Variants in TRIOBP observed in about 807,000 individuals in gnomAD.
TRIOBP encodes the protein TRIO and F-actin binding protein.
In TRIOBP, 169 loss-of-function variants were observed where a neutral mutation model predicts 238.8. The ratio of observed to expected loss-of-function variants is 0.71; its 90% CI spans 0.62 to 0.80. TRIOBP has a LOEUF of 0.80. Among genes scored for constraint, TRIOBP ranks in the 30% least tolerant of loss-of-function variants. The pLI, the probability that TRIOBP is intolerant of heterozygous loss-of-function variation, is 0.00. For synonymous variants in TRIOBP, 1,150 were observed against 1,274.4 expected (o/e 0.90, Z 2.08); for missense variants, 2,838 against 3,122.6 (o/e 0.91, Z 2.17).
intron 18 of TRIOBP, 137 bp downstream of exon 18, chr22:37,765,954 G>T: frequency 1.6e-6 from 2 of 1,228,802 alleles, no homozygotes; most frequent in Non-Finnish European, 2.2e-6. Flanking sequence ...GGGTCAGCAG[G>T]TGTTAGAAGC....
intron 21 of TRIOBP, among the ~76,000 whole-genome samples, chr22:37,770,269 C>G (rs1926701659): frequency 6.7e-6 from 1 of 150,134 alleles, no homozygotes; most frequent in African/African-American, 2.4e-5. Flanking sequence ...AACCCCGTCT[C>G]TACTAAAAAT....
intron 3 of TRIOBP, among the ~76,000 whole-genome samples, chr22:37,706,905 C>T (rs761092465): frequency 2.6e-5 from 4 of 152,116 alleles, no homozygotes; most frequent in Non-Finnish European, 4.4e-5. Flanking sequence ...GTTGTGTCTC[C>T]GAGCCAGGCC....
At position 37,734,579 on chromosome 22, in the gene TRIOBP, AG is replaced by A; in HGVS notation, c.4244del (p.Ser1415MetfsTer29). On this transcript the variant is annotated frameshift_variant, in exon 9 of 24. Coordinates refer to ENST00000644935, the MANE Select transcript of TRIOBP (RefSeq NM_001039141.3). LOFTEE classifies it high-confidence loss of function. ...GCTGCGGACACAGAGACCTCTGGAGAGTGGCCAAGCAGGCCCAAGACAGCCT... is the reference window on the plus strand; with the variant it reads ...GCTGCGGACACAGAGACCTCTGGAGATGGCCAAGCAGGCCCAAGACAGCCT... ...RELRTQRPLE[S>X]GQAGPRQPLG... 6.3e-7 allele frequency: 1 copy of A among 1,583,550 alleles called. No homozygotes were observed. Among genetic ancestry groups the A allele is most frequent in the Non-Finnish European group, 8.6e-7 (1 of 1,165,126 alleles).
intron 11 of TRIOBP, 63 bp downstream of exon 11, chr22:37,741,095 G>A: frequency 6.5e-7 from 1 of 1,537,048 alleles, no homozygotes; most frequent in Non-Finnish European, 8.8e-7. Context: ...TGGGAGGGAG[G>A]AGGGGGCTGT....
In TRIOBP at chr22:37,759,633, C is replaced by A. The variant is rs1601661269; in HGVS notation, c.6324+369C>A. ...GGGGGGCTAGTGGCCCCGAGAGTCA[C>A]TCCCTGAACACAGGGAAATCCTGCC... On this transcript the variant is annotated intron_variant, in intron 17 of 23. Coordinates refer to ENST00000644935, the MANE Select transcript of TRIOBP (RefSeq NM_001039141.3). 16 of 1,536,588 alleles carry A rather than the reference C, an allele frequency of 1.0e-5. No homozygotes were observed. The East Asian group carries it at 3.7e-4, about 35-fold the overall frequency.
In TRIOBP at chr22:37,725,154, C is replaced by T. The variant is rs1924067108; in HGVS notation, c.2598C>T (p.Thr866=). The T allele has an allele frequency of 6.2e-7, 1 of 1,614,114 alleles. No homozygotes were observed. Among genetic ancestry groups the T allele is most frequent in the Non-Finnish European group, 8.5e-7 (1 of 1,180,014 alleles). ...CCTTTCAACGAGACAACCCTGGAACCTCCTCATCTCAATGCTGCACCCAAA... is the reference window on the plus strand; with the variant it reads ...CCTTTCAACGAGACAACCCTGGAACTTCCTCATCTCAATGCTGCACCCAAA... ...SFSFQRDNPG[T]SSSQCCTQKE... The change falls in exon 7 of 24, where the codon ACC becomes ACT. Residue 866 remains threonine (T), a synonymous_variant. Coordinates refer to ENST00000644935, the MANE Select transcript of TRIOBP (RefSeq NM_001039141.3).
intron 18 of TRIOBP, among the ~76,000 whole-genome samples, chr22:37,767,158 G>A (rs1028960962): frequency 1.3e-4 from 20 of 152,142 alleles, no homozygotes; most frequent in Non-Finnish European, 1.0e-4. Context: ...GGCTGAGGCA[G>A]GAGAATCGCT....
At chr22:37,761,798 A>G (rs875300) in intron 17 of TRIOBP, among the ~76,000 whole-genome samples, 54,666 of 149,460 alleles carry the variant, frequency 0.37, 11,059 homozygotes, top group East Asian at 0.6. Context: ...TGGGACGCAG[A>G]GGGTGAGGCT....
At chr22:37,759,766 G>A in intron 17 of TRIOBP, 2 of 1,395,182 alleles carry the variant, frequency 1.4e-6, no homozygotes, top group South Asian at 1.5e-5. Flanking sequence ...TCTCAACGGG[G>A]TCCATTTTGT....
intron 19 of TRIOBP, 89 bp from the exon 20 acceptor site, chr22:37,768,939 C>T (rs1480897012): frequency 1.3e-6 from 2 of 1,584,264 alleles, no homozygotes; most frequent in African/African-American, 1.3e-5. Context: ...ACCCCAGAGT[C>T]CTGGGATGCT....
chr22:37,757,388 G>A (rs1028674254), intron 15 of TRIOBP, among the ~76,000 whole-genome samples: 5 of 152,148 alleles, frequency 3.3e-5, no homozygotes, highest in African/African-American at 9.6e-5. Flanking sequence ...AAGAACGGGG[G>A]CGAGGGAAGC....
chr22:37,708,063 G>A (rs908105729), intron 3 of TRIOBP, among the ~76,000 whole-genome samples: 4 of 150,324 alleles, frequency 2.7e-5, no homozygotes, highest in South Asian at 2.1e-4. Context: ...TGGCTAACAC[G>A]GTGAAACCCT....
At chr22:37,771,767 G>A (rs776586677) in intron 22 of TRIOBP, 31 bp downstream of exon 22, 20 of 1,606,246 alleles carry the variant, frequency 1.2e-5, no homozygotes, top group African/African-American at 2.7e-5. Flanking sequence ...GGGGGCCGTC[G>A]GGGACTCTGG....
chr22:37,773,965 T>C lies in TRIOBP; in HGVS notation c.*185T>C. The C allele has an allele frequency of 1.8e-5, 2 of 113,870 alleles. No individual in the cohort carries two copies. Among genetic ancestry groups the C allele is most frequent in the Non-Finnish European group, 3.6e-5 (2 of 55,866 alleles). The allele number at this position is 113,870 out of a possible 1,614,324, so 7.1% of individuals were successfully genotyped here. The stretch of plus-strand genomic sequence containing the variant: ...ACACACAGACACATACGCACACACG[T>C]GCACACATGTACACACGGATACACA... On this transcript the variant is annotated 3_prime_UTR_variant, in exon 24 of 24. Transcript: ENST00000644935.
chr22:37,714,921 G>A (rs1462333037), intron 5 of TRIOBP, among the ~76,000 whole-genome samples: 1 of 151,908 alleles, frequency 6.6e-6, no homozygotes, highest in Non-Finnish European at 1.5e-5. Flanking sequence ...TGAGGCCATG[G>A]AGCGGAGTCT....
intron 2 of TRIOBP, 63 bp from the exon 3 acceptor site, chr22:37,701,243 G>GCAACTGGGC: frequency 1.3e-6 from 1 of 749,598 alleles, no homozygotes; most frequent in Non-Finnish European, 2.3e-6. Context: ...GGCAACTGGG[G>GCAACTGGGC]CTGGGGTTCA....
intron 22 of TRIOBP, 81 bp downstream of exon 22, chr22:37,771,817 C>A: frequency 1.6e-6 from 2 of 1,269,010 alleles, no homozygotes; most frequent in Non-Finnish European, 2.3e-6. Context: ...TGCTCTGTGC[C>A]AAGCCCTCCA....
chr22:37,734,291 G>A (rs1924554334), intron 8 of TRIOBP, 108 bp from the exon 9 acceptor site: 2 of 1,076,488 alleles, frequency 1.9e-6, no homozygotes, highest in East Asian at 2.5e-5. Context: ...CTTTGATTCA[G>A]GCTGCTGTGT....
chr22:37,699,745 T>C (rs2145808164), intron 2 of TRIOBP, among the ~76,000 whole-genome samples: 1 of 152,190 alleles, frequency 6.6e-6, no homozygotes, highest in Non-Finnish European at 1.5e-5. Context: ...TTGGCAATAT[T>C]GGCCAGGCTG....
Sources: gnomAD v4.1 joint callset for allele counts (sites outside exome capture counted in the v4.1 genomes callset) on GRCh38, gnomAD v4.1.1 for gene constraint, MANE v1.5 for transcripts, NCBI Gene and HGNC (gene_info 2026-07-23, HGNC 2026-07-21) for gene names.